The following SV2C variants were observed in gnomAD, a reference collection of about 807,000 sequenced individuals.
The protein encoded by SV2C is synaptic vesicle glycoprotein 2C.
Under a neutral mutation model 79.7 loss-of-function variants are expected in SV2C, and 49 were observed. The ratio of observed to expected loss-of-function variants is 0.61; its 90% CI spans 0.49 to 0.78. The LOEUF is 0.78. Among genes scored for constraint, SV2C ranks in the 30% least tolerant of loss-of-function variants. SV2C has a pLI of 0.00. For synonymous variants in SV2C, 334 were observed against 333.2 expected (o/e 1.00, Z -0.03); for missense variants, 833 against 912.9 (o/e 0.91, Z 1.13).
In SV2C at chr5:76,298,889, A is replaced by G; in HGVS notation, c.1598A>G (p.Lys533Arg). 6.2e-7 allele frequency: 1 copy of G among 1,613,970 alleles called. No homozygotes were observed. Among genetic ancestry groups the G allele is most frequent in the Non-Finnish European group, 8.5e-7 (1 of 1,179,892 alleles). Residue 533 changes from lysine to arginine, a missense_variant, in exon 10 of 13, where the codon AAG becomes AGG. Transcript: ENST00000502798. ...GTAACTTCAGTGAACACCTACTTCAAGAACTGCACATTTATTGACACTGTT... is the reference window on the plus strand; with the variant it reads ...GTAACTTCAGTGAACACCTACTTCAGGAACTGCACATTTATTGACACTGTT... ...EDVTSVNTYF[K>R]NCTFIDTVFD...
At chr5:76,131,020 C>A (rs1748871513) in intron 1 of SV2C, among the ~76,000 whole-genome samples, 1 of 152,114 alleles carries the variant, frequency 6.6e-6, no homozygotes, top group African/African-American at 2.4e-5. Flanking sequence ...CTCTGACAAT[C>A]CTGTGGATAT....
At chr5:75,856,688 G>A in the SV2C span, among the ~76,000 whole-genome samples, 2 of 152,044 alleles carry the variant, frequency 1.3e-5, no homozygotes, top group African/African-American at 4.8e-5. Flanking sequence ...ACATATTCTA[G>A]GTATTAATCC....
chr5:75,937,715 CA>C, the SV2C span, among the ~76,000 whole-genome samples: 1 of 151,784 alleles, frequency 6.6e-6, no homozygotes, highest in Non-Finnish European at 1.5e-5. Flanking sequence ...TCTAAAGAAA[CA>C]AAAAAACAAA....
rs148579113 is a variant in SV2C at position 76,262,561 on chromosome 5, G to A, written c.914-22601G>A. On this transcript the variant is annotated intron_variant, in intron 4 of 12. Coordinates refer to ENST00000502798, the MANE Select transcript of SV2C (RefSeq NM_014979.4). ...GGGATCTTTCCCGCTTTCTGATGTG[G>A]GCATTTAGTGCTATAAATTTCCCTC... 6.9e-3 allele frequency among the ~76,000 whole-genome samples: 1,045 copies of A among 152,204 alleles called. 14 individuals are homozygous for A. The highest frequency in any genetic ancestry group is 0.023 in the African/African-American group (973 of 41,528).
the SV2C span, among the ~76,000 whole-genome samples, chr5:75,964,584 G>T: frequency 1.3e-5 from 2 of 151,954 alleles, no homozygotes; most frequent in East Asian, 3.9e-4. Context: ...CTTTTTATCT[G>T]TTGGATCCAA....
At chr5:76,249,798 C>T (rs1326403531) in intron 4 of SV2C, among the ~76,000 whole-genome samples, 1 of 152,032 alleles carries the variant, frequency 6.6e-6, no homozygotes, top group African/African-American at 2.4e-5. Context: ...TTTTGTGCGG[C>T]GTCAGTGGCA....
Position 76,289,512 on chromosome 5 carries a change from G to C in SV2C, c.1138-1709G>C, listed in dbSNP as rs142671923. ...CTCATCATTGCCCTAAATTTCATCA[G>C]TAGGTACCACAAGCACCACCTAAAC... is the stretch of plus-strand genomic sequence containing the variant. On this transcript the variant is annotated intron_variant, in intron 6 of 12. Transcript: ENST00000502798. Among the ~76,000 whole-genome samples the C allele has an allele frequency of 4.2e-3, 638 of 152,198 alleles. 9 individuals carry two copies. Among genetic ancestry groups the C allele is most frequent in the African/African-American group, 0.015 (603 of 41,524 alleles).
the SV2C span, among the ~76,000 whole-genome samples, chr5:75,914,715 A>G: frequency 4.6e-5 from 7 of 152,272 alleles, no homozygotes; most frequent in African/African-American, 1.2e-4. Context: ...TATAAAATTG[A>G]TCTATCTTAT....
the SV2C span, among the ~76,000 whole-genome samples, chr5:76,051,772 C>A: frequency 6.6e-6 from 1 of 151,878 alleles, no homozygotes; most frequent in African/African-American, 2.4e-5. Flanking sequence ...GGTGGTGGGA[C>A]TAGGAATAAA....
intron 3 of SV2C, among the ~76,000 whole-genome samples, chr5:76,208,953 T>C (rs1323613909): frequency 6.6e-6 from 1 of 152,160 alleles, no homozygotes. Flanking sequence ...CTATTTTGAT[T>C]CCATAAACCC....
intron 2 of SV2C, among the ~76,000 whole-genome samples, chr5:76,141,550 G>A (rs186959640): frequency 7.1e-4 from 108 of 152,184 alleles, no homozygotes; most frequent in African/African-American, 2.3e-3. Flanking sequence ...GAAGCCAGGC[G>A]CGGTGGCTCA....
intron 6 of SV2C, among the ~76,000 whole-genome samples, chr5:76,290,119 A>G (rs1747507256): frequency 6.6e-6 from 1 of 152,218 alleles, no homozygotes; most frequent in African/African-American, 2.4e-5. Flanking sequence ...CTAGAGTTTT[A>G]AAAAACATAA....
At chr5:76,065,375 A>C in the SV2C span, among the ~76,000 whole-genome samples, 1 of 152,206 alleles carries the variant, frequency 6.6e-6, no homozygotes, top group Admixed American at 6.5e-5. Flanking sequence ...ATCTGTCAGA[A>C]GGTGGCAAAC....
intron 4 of SV2C, among the ~76,000 whole-genome samples, chr5:76,243,851 C>G (rs1176178109): frequency 6.6e-6 from 1 of 152,204 alleles, no homozygotes; most frequent in Non-Finnish European, 1.5e-5. Context: ...TCCTCCCACT[C>G]CAACTCACAT....
intron 12 of SV2C, among the ~76,000 whole-genome samples, chr5:76,303,541 T>C (rs1484297743): frequency 6.6e-6 from 1 of 152,126 alleles, no homozygotes; most frequent in Non-Finnish European, 1.5e-5. Context: ...TTTTCTTGTA[T>C]ACTATAAGAG....
At chr5:76,351,874 A>G (rs1476589353) in intron 12 of SV2C, among the ~76,000 whole-genome samples, 2 of 152,148 alleles carry the variant, frequency 1.3e-5, no homozygotes, top group Non-Finnish European at 2.9e-5. Context: ...TTAGAGCATC[A>G]TCATCAAGGG....
intron 4 of SV2C, among the ~76,000 whole-genome samples, chr5:76,259,288 T>G (rs1746390074): frequency 6.6e-6 from 1 of 152,164 alleles, no homozygotes; most frequent in African/African-American, 2.4e-5. Flanking sequence ...TTGGACCATT[T>G]TACACTCCCA....
At chr5:76,043,160 G>A in the SV2C span, among the ~76,000 whole-genome samples, 1 of 152,192 alleles carries the variant, frequency 6.6e-6, no homozygotes, top group Non-Finnish European at 1.5e-5. Flanking sequence ...TTTGGAGAGA[G>A]AAGGATGCCT....
chr5:76,105,669 C>A (rs1747885789), intron 1 of SV2C, among the ~76,000 whole-genome samples: 1 of 152,190 alleles, frequency 6.6e-6, no homozygotes. Flanking sequence ...CTAACAACTT[C>A]ATACTTAATA....
Sources: allele counts gnomAD v4.1 joint callset (sites outside exome capture counted in the v4.1 genomes callset), GRCh38; gene constraint gnomAD v4.1.1; transcripts MANE v1.5; gene names NCBI Gene and HGNC (gene_info 2026-07-23, HGNC 2026-07-21).